NCOR2: variants seen among roughly 807,000 people sequenced by gnomAD.
NCOR2 encodes the protein nuclear receptor corepressor 2, also known as CTG repeat protein 26.
NCOR2 carries 81 observed loss-of-function variants against 262.9 expected under a neutral mutation model. That is an observed-to-expected ratio of 0.31 (90% CI 0.26 to 0.37). NCOR2 has a LOEUF of 0.37. Among genes scored for constraint, NCOR2 ranks in the 10% least tolerant of loss-of-function variants. NCOR2 has a pLI of 1.00. For missense variants in NCOR2, 3,385 were observed against 3,621.4 expected, an observed-to-expected ratio of 0.93 and a Z score of 1.68; for synonymous variants, 1,659 against 1,559.3, an observed-to-expected ratio of 1.06 and a Z score of -1.51.
At chr12:124,529,179 CAAAAAAAAA>C (rs148397454) in intron 1 of NCOR2, among the ~76,000 whole-genome samples, 2 of 52,182 alleles carry the variant, frequency 3.8e-5, no homozygotes, top group Non-Finnish European at 6.7e-5. Flanking sequence ...AACTCCGACT[CAAAAAAAAA>C]AAAAAAAAAA....
At chr12:124,393,209 C>T (rs1457547605) in intron 16 of NCOR2, among the ~76,000 whole-genome samples, 1 of 152,196 alleles carries the variant, frequency 6.6e-6, no homozygotes, top group African/African-American at 2.4e-5. Context: ...CCGAGTCCCT[C>T]ATCCCAGCCC....
chr12:124,449,906 GGCCACTC>G (rs2045413908), intron 6 of NCOR2, 39 bp from the exon 9 acceptor site: 1 of 1,604,252 alleles, frequency 6.2e-7, no homozygotes. Flanking sequence ...GAGCCTGGCT[GGCCACTC>G]GCCACTACAG....
At chr12:124,346,567 C>T (rs1024760430) in exon 31 of NCOR2, 49 of 1,548,684 alleles carry the variant, frequency 3.2e-5, no homozygotes, top group Admixed American at 1.3e-4. Context: ...GCCATACCTG[C>T]GTGATGGAGC....
At chr12:124,434,281 C>A (rs1264746479) in intron 8 of NCOR2, among the ~76,000 whole-genome samples, 2 of 152,136 alleles carry the variant, frequency 1.3e-5, no homozygotes, top group Non-Finnish European at 2.9e-5. Context: ...AAGCCCCCCT[C>A]CCCAGGCCTT....
At position 124,336,884 on chromosome 12, in the gene NCOR2, G is replaced by A. The variant is rs367841669; in HGVS notation, c.5984C>T (p.Pro1995Leu). The A allele has an allele frequency of 7.5e-6, 12 of 1,609,118 alleles. No homozygotes were observed. In the East Asian group the frequency reaches 8.9e-5, roughly 12 times the overall value. ...GTGGTGAGGTGCGAGGTTCTTCGCA[G>A]GGGTGCGGGCGATGGTGGCGTGGCC... is the stretch of plus-strand genomic sequence containing the variant. The change falls in exon 38 of 47, where the codon CCT becomes CTT. Residue 1995 changes from proline to leucine, a missense_variant. By Grantham distance (98) the Pro-to-Leu change is moderately conservative. Around this residue, in one of 5 missense-constraint regions of NCOR2, gnomAD observed 1,017 missense variants for 967.2 expected, o/e 1.05. Coordinates refer to ENST00000405201, the Ensembl canonical transcript of NCOR2.
intron 41 of NCOR2, among the ~76,000 whole-genome samples, chr12:124,333,765 TGGGGGC>T (rs1337367163): frequency 2.7e-5 from 4 of 149,974 alleles, no homozygotes. Context: ...AGGGTGGGGG[TGGGGGC>T]GGGGGTGGGA....
upstream of NCOR2, among the ~76,000 whole-genome samples, chr12:124,495,922 G>A (rs2048354189): frequency 6.6e-6 from 1 of 152,164 alleles, no homozygotes; most frequent in African/African-American, 2.4e-5. The surrounding 1 kb of genome is among the most constrained non-coding windows in gnomAD (Gnocchi z 4.4). Context: ...GGACTGATAT[G>A]AGGTTAGCCA....
rs768774215 is a variant in NCOR2 at position 124,358,549 on chromosome 12, C to T, written c.3101-1767G>A. Among the ~76,000 whole-genome samples the T allele has an allele frequency of 4.6e-5, 7 of 152,328 alleles. No homozygotes were observed. In the East Asian group the frequency reaches 5.8e-4, roughly 13 times the overall value. On this transcript the variant is annotated intron_variant, in intron 22 of 46. Transcript: ENST00000405201. ...CACAGGCACTGTGCTCAGCATCCCA[C>T]GGCCTCCATGAGCCTCCGGTTAAGC...
At chr12:124,422,052 G>A (rs2043234138) in intron 12 of NCOR2, among the ~76,000 whole-genome samples, 1 of 152,230 alleles carries the variant, frequency 6.6e-6, no homozygotes, top group African/African-American at 2.4e-5. Flanking sequence ...GAGGGACCTA[G>A]AAAAGCTGGT....
chr12:124,391,734 C>T (rs1013922341), intron 16 of NCOR2, among the ~76,000 whole-genome samples: 2 of 152,210 alleles, frequency 1.3e-5, no homozygotes, highest in African/African-American at 2.4e-5. Flanking sequence ...CAATTATACC[C>T]GTAAATCATA....
chr12:124,357,914 C>T (rs113448365), intron 22 of NCOR2, among the ~76,000 whole-genome samples: 27 of 76,706 alleles, frequency 3.5e-4, no homozygotes, highest in South Asian at 9.1e-4. Flanking sequence ...TGTGTGTGTG[C>T]GTGCGCACGT....
intron 15 of NCOR2, among the ~76,000 whole-genome samples, chr12:124,398,669 T>C (rs1036603721): frequency 1.3e-5 from 2 of 152,186 alleles, no homozygotes; most frequent in Non-Finnish European, 2.9e-5. Context: ...GGCTGTCCCA[T>C]CACGGCAGGA....
upstream of NCOR2, among the ~76,000 whole-genome samples, chr12:124,496,800 G>A (rs1295530505): frequency 6.6e-6 from 1 of 151,730 alleles, no homozygotes; most frequent in Non-Finnish European, 1.5e-5. The surrounding 1 kb of genome is among the most constrained non-coding windows in gnomAD (Gnocchi z 4.4). Flanking sequence ...GCATGCTTCT[G>A]GGCCAGTGAC....
chr12:124,475,773 T>C (rs372516740), intron 3 of NCOR2, among the ~76,000 whole-genome samples: 1 of 152,180 alleles, frequency 6.6e-6, no homozygotes, highest in Non-Finnish European at 1.5e-5. Flanking sequence ...CCACTCAGCA[T>C]CCTACCTTGG....
intron 41 of NCOR2, among the ~76,000 whole-genome samples, chr12:124,333,771 C>A (rs1470888530): frequency 6.6e-6 from 1 of 151,766 alleles, no homozygotes; most frequent in Non-Finnish European, 1.5e-5. Context: ...GGGGTGGGGG[C>A]GGGGGTGGGA....
chr12:124,342,060 G>A (rs2036497731), exon 34 of NCOR2: 3 of 1,609,670 alleles, frequency 1.9e-6, no homozygotes, highest in Non-Finnish European at 2.5e-6. Context: ...TGTCGGGGCA[G>A]GTAGTAGGCA....
At chr12:124,374,453 G>A in exon 19 of NCOR2, 1 of 1,612,622 alleles carries the variant, frequency 6.2e-7, no homozygotes, top group Non-Finnish European at 8.5e-7. Context: ...CATTCCCAGA[G>A]GCATGTAAGG....
chr12:124,398,029 G>T (rs2041788321), intron 16 of NCOR2, 90 bp downstream of exon 18: 2 of 1,502,970 alleles, frequency 1.3e-6, no homozygotes, highest in Non-Finnish European at 9.3e-7. Context: ...CTGGCTCAAG[G>T]CCAAATGTGT....
rs564369758 is a variant in NCOR2 at position 124,548,152 on chromosome 12, G to A, written c.-164-12541C>T. Among the ~76,000 whole-genome samples, 145 of 152,168 alleles carry A rather than the reference G, an allele frequency of 9.5e-4. No individual in the cohort carries two copies. Among genetic ancestry groups the A allele is most frequent in the Middle Eastern group, 3.4e-3 (1 of 294 alleles). Reference sequence around the variant, plus strand: ...CTAACTCTCCTCCACATCACATCAGGCCTCCTAAACGTGCACTGAGCTGGG... The same window carrying A: ...CTAACTCTCCTCCACATCACATCAGACCTCCTAAACGTGCACTGAGCTGGG... On this transcript the variant is annotated intron_variant, in intron 1 of 32. Transcript: ENST00000458234. This position sits in a 1 kb window ranked among gnomAD's most constrained non-coding sequence, Gnocchi z 5.1.
Sources: allele counts gnomAD v4.1 joint callset (sites outside exome capture counted in the v4.1 genomes callset), GRCh38; gene constraint gnomAD v4.1.1; regional missense constraint gnomAD v4.1.1; non-coding constraint Gnocchi (gnomAD v3.1); transcripts MANE v1.5; gene names NCBI Gene and HGNC (gene_info 2026-07-23, HGNC 2026-07-21).